The following APCDD1L variants were observed in gnomAD, a reference collection of about 807,000 sequenced individuals.
The protein encoded by APCDD1L is protein APCDD1-like.
APCDD1L carries 21 observed loss-of-function variants against 24.2 expected under a neutral mutation model. The ratio of observed to expected loss-of-function variants is 0.87; its 90% CI spans 0.61 to 1.25. The LOEUF (loss-of-function observed/expected upper bound fraction) is 1.25. APCDD1L is among the 50% of genes most tolerant of loss of function. The pLI is 0.00. For synonymous variants in APCDD1L, 321 were observed against 323.6 expected, an observed-to-expected ratio of 0.99 and a Z score of 0.09; for missense variants, 704 against 711.7, an observed-to-expected ratio of 0.99 and a Z score of 0.12.
At chr20:58,465,092 G>A (rs912242640) in intron 3 of APCDD1L, among the ~76,000 whole-genome samples, 2 of 152,146 alleles carry the variant, frequency 1.3e-5, no homozygotes, top group African/African-American at 4.8e-5. Flanking sequence ...AGCCCCCGGG[G>A]ATCTGTCCTC....
intron 1 of APCDD1L, among the ~76,000 whole-genome samples, chr20:58,499,891 T>C (rs1393505983): frequency 6.6e-6 from 1 of 152,216 alleles, no homozygotes; most frequent in Non-Finnish European, 1.5e-5. Flanking sequence ...CTCCACTGTC[T>C]CTCACCGTCC....
At position 58,494,806 on chromosome 20, in the gene APCDD1L, A is replaced by G. The variant is rs965704695; in HGVS notation, c.49+19853T>C. Among the ~76,000 whole-genome samples, 5 of 152,030 alleles carry G rather than the reference A, an allele frequency of 3.3e-5. No homozygotes were observed. The highest frequency in any genetic ancestry group is 1.3e-4 in the Admixed American group (2 of 15,266). ...TCACGATCATCTCCTGGCATTCTGC[A>G]CCCACTGAGCGCCTGGCAGTCCCTT... On this transcript the variant is annotated intron_variant, in intron 1 of 3. Coordinates refer to ENST00000371149, the MANE Select transcript of APCDD1L (RefSeq NM_153360.3). The surrounding 1 kb of genome is among the most constrained non-coding windows in gnomAD (Gnocchi z 4.8).
chr20:58,472,450 G>A (rs568766834), intron 1 of APCDD1L, among the ~76,000 whole-genome samples: 5 of 152,160 alleles, frequency 3.3e-5, no homozygotes, highest in South Asian at 2.1e-4. Context: ...GTTGGACTTC[G>A]GGGTGTGACG....
chr20:58,495,557 C>A (rs1990305737), intron 1 of APCDD1L, among the ~76,000 whole-genome samples: 3 of 152,094 alleles, frequency 2.0e-5, no homozygotes, highest in South Asian at 4.1e-4. Context: ...CTGCATCCTC[C>A]AGAGGTTGAA....
At chr20:58,465,947 C>CT (rs927339290) in intron 3 of APCDD1L, among the ~76,000 whole-genome samples, 5 of 152,146 alleles carry the variant, frequency 3.3e-5, no homozygotes, top group African/African-American at 1.2e-4. Flanking sequence ...TTCTCTTATG[C>CT]TTTTTTTAAA....
At position 58,514,858 on chromosome 20, in the gene APCDD1L, C is replaced by G; in HGVS notation, c.-151G>C. On this transcript the variant is annotated 5_prime_UTR_variant, in exon 1 of 4. The change abolishes the stop of an existing upstream ORF in the 5' untranslated region. Coordinates refer to ENST00000371149, the MANE Select transcript of APCDD1L (RefSeq NM_153360.3). ...AGGGTCCTGCGCCCCCCTCGGCGCT[C>G]ACACGCGCTCAGCCTTCCCGGCTGT... 1 of 495,862 alleles carries G rather than the reference C, an allele frequency of 2.0e-6. No homozygotes were observed. The highest frequency in any genetic ancestry group is 3.2e-6 in the Non-Finnish European group (1 of 313,872). The allele number at this position is 495,862 out of a possible 1,614,324, so 30.7% of individuals were successfully genotyped here. A position where few individuals can be genotyped will look rare whatever the true frequency, so the allele number is the denominator to read the frequency against.
intron 2 of APCDD1L, among the ~76,000 whole-genome samples, chr20:58,468,910 G>A (rs1218944794): frequency 6.6e-6 from 1 of 152,100 alleles, no homozygotes; most frequent in African/African-American, 2.4e-5. Context: ...GAGGAAACAT[G>A]TTATCACCCA....
rs1217706935 is a variant in APCDD1L at position 58,461,532 on chromosome 20, G to A, written c.764C>T (p.Ala255Val). ...ATCGGAGCGGGCAATGAGGCCACAG[G>A]CTGGGCACGGCTGCACGTGGTGCTG... ...SALHHVQPCP[A>V]CGLIARSDVH... Residue 255 changes from alanine (A) to valine (V), a missense_variant, in exon 4 of 4, where the codon GCC (alanine) becomes GTC (valine). By Grantham distance (64) the Ala-to-Val change is moderately conservative. Coordinates refer to ENST00000371149, the MANE Select transcript of APCDD1L (RefSeq NM_153360.3). The surrounding 1 kb of genome is among the most constrained non-coding windows in gnomAD (Gnocchi z 6.0). 7.0e-7 allele frequency: 1 copy of A among 1,435,204 alleles called. No homozygotes were observed. The highest frequency in any genetic ancestry group is 2.5e-5 in the East Asian group (1 of 39,870). 88.9% of individuals were successfully genotyped at this position (1,435,204 alleles called of 1,614,324 possible).
At position 58,461,672 on chromosome 20, in the gene APCDD1L, C is replaced by T. The variant is rs1390622499; in HGVS notation, c.742-118G>A. The T allele has an allele frequency of 4.8e-6, 5 of 1,036,322 alleles. No homozygotes were observed. In the African/African-American group the frequency reaches 4.9e-5, roughly 10 times the overall value. 64.2% of individuals were successfully genotyped at this position (1,036,322 alleles called of 1,614,324 possible). A position where few individuals can be genotyped will look rare whatever the true frequency, so the allele number is the denominator to read the frequency against. On this transcript the variant is annotated intron_variant, in intron 3 of 3. Transcript: ENST00000371149. The surrounding 1 kb of genome is among the most constrained non-coding windows in gnomAD (Gnocchi z 6.0). ...AGGCAGGGTGAGGTGCGGCCTGTCCCTCCCTCCTCTCTCTCCTCACTCCCT... is the reference window on the plus strand; with the variant it reads ...AGGCAGGGTGAGGTGCGGCCTGTCCTTCCCTCCTCTCTCTCCTCACTCCCT...
At chr20:58,512,455 G>C (rs1030766801) in intron 1 of APCDD1L, among the ~76,000 whole-genome samples, 4 of 152,196 alleles carry the variant, frequency 2.6e-5, no homozygotes, top group Non-Finnish European at 5.9e-5. Flanking sequence ...TGTAGGAAGA[G>C]GGCAGGGATA....
At chr20:58,509,528 G>A (rs538007017) in intron 1 of APCDD1L, among the ~76,000 whole-genome samples, 228 of 152,226 alleles carry the variant, frequency 1.5e-3, no homozygotes, top group African/African-American at 5.3e-3. Flanking sequence ...GTTGTAAGAC[G>A]GGACTAACAA....
In APCDD1L at chr20:58,461,466, G is replaced by A. The variant is rs753547316; in HGVS notation, c.830C>T (p.Pro277Leu). 2 of 1,491,526 alleles carry A rather than the reference G, an allele frequency of 1.3e-6. No homozygotes were observed. Among genetic ancestry groups the A allele is most frequent in the South Asian group, 2.7e-5 (2 of 74,192 alleles). 92.4% of individuals were successfully genotyped at this position (1,491,526 alleles called of 1,614,324 possible). ...PPVLPPPLALPLHLGGWWVSS... is the reference protein window; with the variant it reads ...PPVLPPPLALLLHLGGWWVSS... ...GACCCACCAGCCGCCCAGGTGCAGG[G>A]GCAGGGCCAGAGGGGGCGGCAGCAC... The change falls in exon 4 of 4, where the codon CCC becomes CTC. Residue 277 changes from proline (P) to leucine (L), a missense_variant. Transcript: ENST00000371149. The surrounding 1 kb of genome is among the most constrained non-coding windows in gnomAD (Gnocchi z 6.0).
chr20:58,468,688 C>T lies in APCDD1L; in HGVS notation c.189-1030G>A, dbSNP rs1396230014. Among the ~76,000 whole-genome samples, 3 of 152,306 alleles carry T rather than the reference C, an allele frequency of 2.0e-5. No homozygotes were observed. The East Asian group carries it at 5.8e-4, about 29-fold the overall frequency. On this transcript the variant is annotated intron_variant, in intron 2 of 3. Transcript: ENST00000371149. ...GTTCAAGCAATTCTCCTGCCTCAGT[C>T]TCCCGAGTAGCTGCAATTACAGGCA... is the stretch of plus-strand genomic sequence containing the variant.
chr20:58,484,642 C>T (rs997839104), intron 1 of APCDD1L, among the ~76,000 whole-genome samples: 1 of 152,138 alleles, frequency 6.6e-6, no homozygotes, highest in Admixed American at 6.5e-5. Context: ...GACTAACACA[C>T]ATTCACACAT....
chr20:58,461,866 C>A lies in APCDD1L; in HGVS notation c.742-312G>T. ...AGCTGGGCACCAGAGAGAGCTTTCC[C>A]GAATGCCCCATGTAAGGTGGGCCTC... is the stretch of plus-strand genomic sequence containing the variant. On this transcript the variant is annotated intron_variant, in intron 3 of 3. Coordinates refer to ENST00000371149, the MANE Select transcript of APCDD1L (RefSeq NM_153360.3). The surrounding 1 kb of genome is among the most constrained non-coding windows in gnomAD (Gnocchi z 6.0). 1 of 318,476 alleles carries A rather than the reference C, an allele frequency of 3.1e-6. No individual in the cohort carries two copies. Among genetic ancestry groups the A allele is most frequent in the Non-Finnish European group, 5.7e-6 (1 of 174,866 alleles). The allele number at this position is 318,476 out of a possible 1,614,324, so 19.7% of individuals were successfully genotyped here.
chr20:58,474,111 GCCC>G (rs559539592), intron 1 of APCDD1L, among the ~76,000 whole-genome samples: 3 of 152,206 alleles, frequency 2.0e-5, no homozygotes, highest in Non-Finnish European at 2.9e-5. Context: ...ATCAAATGGT[GCCC>G]AGCGTCTCCT....
Position 58,470,591 on chromosome 20 carries a change from G to A in APCDD1L, c.188+18C>T. 2 of 1,579,848 alleles carry A rather than the reference G, an allele frequency of 1.3e-6. No individual in the cohort carries two copies. Among genetic ancestry groups the A allele is most frequent in the African/African-American group, 1.3e-5 (1 of 74,758 alleles). ...TCCCAGTCCAGGGGTCCATGGTCAG[G>A]ATGACCTGAAGTCTTACCCTGTGGA... On this transcript the variant is annotated intron_variant, in intron 2 of 3. Coordinates refer to ENST00000371149, the MANE Select transcript of APCDD1L (RefSeq NM_153360.3).
intron 1 of APCDD1L, among the ~76,000 whole-genome samples, chr20:58,499,226 C>T (rs187710563): frequency 5.9e-5 from 9 of 152,308 alleles, no homozygotes; most frequent in Non-Finnish European, 1.0e-4. Context: ...AAAACAGGGG[C>T]TGTGTGTCCT....
At chr20:58,509,442 G>A (rs1990587174) in intron 1 of APCDD1L, among the ~76,000 whole-genome samples, 1 of 152,048 alleles carries the variant, frequency 6.6e-6, no homozygotes, top group South Asian at 2.1e-4. Flanking sequence ...GCTCTCCTTG[G>A]GCAAGTCACC....
Sources: gnomAD v4.1 joint callset for allele counts (sites outside exome capture counted in the v4.1 genomes callset) on GRCh38, gnomAD v4.1.1 for gene constraint, Gnocchi (gnomAD v3.1) non-coding constraint, MANE v1.5 for transcripts, NCBI Gene and HGNC (gene_info 2026-07-23, HGNC 2026-07-21) for gene names.